TLN2: variants seen among roughly 807,000 people sequenced by gnomAD.
TLN2 encodes talin-2.
In TLN2, 118 loss-of-function variants were observed where a neutral mutation model predicts 294.7. The ratio of observed to expected loss-of-function variants is 0.40; its 90% CI spans 0.34 to 0.47. TLN2 has a LOEUF of 0.47. Among genes scored for constraint, TLN2 ranks in the 20% least tolerant of loss-of-function variants. The pLI, the probability that TLN2 is intolerant of heterozygous loss-of-function variation, is 0.84. For synonymous variants in TLN2, 1,431 were observed against 1,304.5 expected, an observed-to-expected ratio of 1.10 and a Z score of -2.09; for missense variants, 3,083 against 3,282.2, an observed-to-expected ratio of 0.94 and a Z score of 1.48.
At chr15:62,637,600 G>A (rs186724634) in intron 3 of TLN2, 1 of 152,362 alleles carries the variant, frequency 6.6e-6, no homozygotes, top group African/African-American at 2.4e-5. Context: ...AATCCTTTTA[G>A]CTTTCCAGCC....
intron 50 of TLN2, among the ~76,000 whole-genome samples, chr15:62,803,197 T>G (rs2066050592): frequency 6.6e-6 from 1 of 152,250 alleles, no homozygotes; most frequent in Non-Finnish European, 1.5e-5. Context: ...CTAAGCATAT[T>G]GGAGCTCCAT....
At chr15:62,481,826 C>G (rs1163940054) in intron 1 of TLN2, among the ~76,000 whole-genome samples, 1 of 124,134 alleles carries the variant, frequency 8.1e-6, no homozygotes, top group African/African-American at 3.1e-5. Context: ...AAGACGGAGT[C>G]TCTCTCTCTT....
chr15:62,409,521 A>G lies in TLN2; in HGVS notation c.-238+18836A>G, dbSNP rs80320642. Among the ~76,000 whole-genome samples the G allele has an allele frequency of 3.5e-3, 539 of 152,268 alleles. 2 individuals carry two copies. The highest frequency in any genetic ancestry group is 0.023 in the East Asian group (120 of 5,176). On this transcript the variant is annotated intron_variant, in intron 1 of 58. Coordinates refer to ENST00000636159, the MANE Select transcript of TLN2 (RefSeq NM_015059.3). ...ATAACCATTCCCCTTCTCATTTTTT[A>G]TAAAAGCTCATGCAATTCATTTTAA...
At chr15:62,481,448 G>T (rs542120739) in intron 1 of TLN2, among the ~76,000 whole-genome samples, 2 of 152,100 alleles carry the variant, frequency 1.3e-5, no homozygotes, top group African/African-American at 4.8e-5. Context: ...CTGCAGTCGC[G>T]AACTCTTAGG....
intron 1 of TLN2, among the ~76,000 whole-genome samples, chr15:62,559,818 G>T (rs1027769224): frequency 1.3e-5 from 2 of 152,204 alleles, no homozygotes; most frequent in South Asian, 2.1e-4. Context: ...CTCTTTTGGT[G>T]GGGGGGTGTG....
chr15:62,540,356 CTTTTTTT>C (rs11071674), intron 1 of TLN2, among the ~76,000 whole-genome samples: 1 of 138,262 alleles, frequency 7.2e-6, no homozygotes, highest in African/African-American at 2.7e-5. Flanking sequence ...AATAAATAAA[CTTTTTTT>C]TTTTTTTTTT....
intron 1 of TLN2, among the ~76,000 whole-genome samples, chr15:62,494,394 G>C (rs2140415630): frequency 6.6e-6 from 1 of 152,262 alleles, no homozygotes; most frequent in Non-Finnish European, 1.5e-5. Flanking sequence ...ATTTGTACAT[G>C]GTGTTAATTC....
chr15:62,508,609 A>G (rs987184971), intron 1 of TLN2, among the ~76,000 whole-genome samples: 3 of 152,262 alleles, frequency 2.0e-5, no homozygotes, highest in Non-Finnish European at 4.4e-5. Context: ...TCAAGTTGAA[A>G]AGAAATTTAG....
rs1173646760 is a variant in TLN2, at chr15:62,420,728, CA to C, written c.-238+30044del. The stretch of plus-strand genomic sequence containing the variant: ...CCTAGGCCTTTCCTGGGCCTTAAAG[CA>C]TGACAAAATAAGGAAGGAATTCTTA... On this transcript the variant is annotated intron_variant, in intron 1 of 58. Coordinates refer to ENST00000636159, the MANE Select transcript of TLN2 (RefSeq NM_015059.3). 1.2e-4 allele frequency among the ~76,000 whole-genome samples: 19 copies of C among 152,250 alleles called. No homozygotes were observed. In the South Asian group the frequency reaches 3.7e-3, roughly 30 times the overall value.
At chr15:62,448,687 T>C (rs927915475) in intron 1 of TLN2, among the ~76,000 whole-genome samples, 1 of 152,250 alleles carries the variant, frequency 6.6e-6, no homozygotes, top group African/African-American at 2.4e-5. Flanking sequence ...AGATACAAAA[T>C]GTTAGAAATA....
intron 1 of TLN2, among the ~76,000 whole-genome samples, chr15:62,477,707 C>A (rs1385401637): frequency 6.6e-6 from 1 of 151,888 alleles, no homozygotes; most frequent in Non-Finnish European, 1.5e-5. Flanking sequence ...TCTGCTGGGC[C>A]CATGGGGCAC....
At chr15:62,436,857 G>A (rs2035309491) in intron 1 of TLN2, among the ~76,000 whole-genome samples, 1 of 152,134 alleles carries the variant, frequency 6.6e-6, no homozygotes, top group East Asian at 1.9e-4. Context: ...TGAGTAGCTG[G>A]GACTACAAGC....
chr15:62,727,132 G>A lies in TLN2; in HGVS notation c.3301G>A (p.Gly1101Ser). 1 of 1,614,188 alleles carries A rather than the reference G, an allele frequency of 6.2e-7. No individual in the cohort carries two copies. The highest frequency in any genetic ancestry group is 8.5e-7 in the Non-Finnish European group (1 of 1,180,046). ...CCTGGGAAGCACATCCAAGGCGGTGGGCTCCTCCATGGCACAGCTGCTGAC... is the reference window on the plus strand; with the variant it reads ...CCTGGGAAGCACATCCAAGGCGGTGAGCTCCTCCATGGCACAGCTGCTGAC... ...QDLGSTSKAV[G>S]SSMAQLLTCA... Residue 1101 changes from glycine (G) to serine (S), a missense_variant, in exon 28 of 59, where the codon GGC becomes AGC. Transcript: ENST00000636159.
In TLN2 at chr15:62,522,972, ACACACACT is replaced by A. The variant is rs879537392; in HGVS notation, c.-237-66713_-237-66706del. 6.1e-3 allele frequency among the ~76,000 whole-genome samples: 846 copies of A among 139,154 alleles called. 5 individuals carry two copies. Among genetic ancestry groups the A allele is most frequent in the African/African-American group, 0.021 (731 of 34,136 alleles). The allele number at this position is 139,154 out of a possible 152,430, so 91.3% of individuals were successfully genotyped here. ...CACACACACACACACACACACACAC[ACACACACT>A]CTCTCACTCACACTCATTCACTTCC... On this transcript the variant is annotated intron_variant, in intron 1 of 58. Coordinates refer to ENST00000636159, the MANE Select transcript of TLN2 (RefSeq NM_015059.3).
Position 62,563,034 on chromosome 15 carries a change from C to T in TLN2, c.-237-26653C>T, listed in dbSNP as rs533121738. Among the ~76,000 whole-genome samples, 38 of 150,448 alleles carry T rather than the reference C, an allele frequency of 2.5e-4. 1 individual carries two copies. The highest frequency in any genetic ancestry group is 1.1e-3 in the South Asian group (5 of 4,756). On this transcript the variant is annotated intron_variant, in intron 1 of 58. Transcript: ENST00000636159. Reference sequence around the variant, plus strand: ...GGCTGGTTCCATGTTTTTGCAGTTGCGAATTGTGCTGCTATAAACATGCAT... The same window carrying T: ...GGCTGGTTCCATGTTTTTGCAGTTGTGAATTGTGCTGCTATAAACATGCAT...
chr15:62,543,970 G>A (rs538927561), intron 1 of TLN2, among the ~76,000 whole-genome samples: 1 of 152,248 alleles, frequency 6.6e-6, no homozygotes, highest in African/African-American at 2.4e-5. Context: ...GCTGGGGCTG[G>A]CGTGGAGGGT....
chr15:62,689,285 T>C (rs1207003314), intron 12 of TLN2, among the ~76,000 whole-genome samples: 6 of 152,174 alleles, frequency 3.9e-5, no homozygotes, highest in Non-Finnish European at 7.4e-5. Flanking sequence ...TCTTTTTACC[T>C]ACCCACTCCC....
intron 2 of TLN2, among the ~76,000 whole-genome samples, chr15:62,606,417 A>G (rs901152983): frequency 6.6e-6 from 1 of 152,104 alleles, no homozygotes; most frequent in African/African-American, 2.4e-5. Context: ...TTAGGTTGAA[A>G]TTATTGTAAA....
At chr15:62,552,404 A>G (rs906973760) in intron 1 of TLN2, among the ~76,000 whole-genome samples, 7 of 152,180 alleles carry the variant, frequency 4.6e-5, no homozygotes, top group Admixed American at 4.6e-4. Context: ...GCTGTCATTC[A>G]TTGACTTATG....
Sources: allele counts gnomAD v4.1 joint callset (sites outside exome capture counted in the v4.1 genomes callset), GRCh38; gene constraint gnomAD v4.1.1; transcripts MANE v1.5; gene names NCBI Gene and HGNC (gene_info 2026-07-23, HGNC 2026-07-21).